The following USP46 variants were observed in gnomAD, a reference collection of about 807,000 sequenced individuals.
USP46 encodes the protein ubiquitin carboxyl-terminal hydrolase 46.
USP46 carries 12 observed loss-of-function variants against 44.4 expected under a neutral mutation model. The observed-to-expected ratio is 0.27, with a 90% confidence interval of 0.17 to 0.44. The LOEUF (loss-of-function observed/expected upper bound fraction) is 0.44, where lower values mean the gene tolerates loss of function less well. Among genes scored for constraint, USP46 ranks in the 20% least tolerant of loss-of-function variants. The pLI is 1.00. For missense variants in USP46, 248 were observed against 444.8 expected (o/e 0.56, Z 3.98); for synonymous variants, 155 against 161.5 (o/e 0.96, Z 0.31).
At chr4:52,608,227 A>G (rs1716774178) in intron 5 of USP46, among the ~76,000 whole-genome samples, 1 of 152,268 alleles carries the variant, frequency 6.6e-6, no homozygotes, top group Non-Finnish European at 1.5e-5. Context: ...TCTGGATGGG[A>G]AGGCTATCAT....
intron 4 of USP46, among the ~76,000 whole-genome samples, chr4:52,621,611 G>C (rs1175675773): frequency 6.6e-6 from 1 of 151,992 alleles, no homozygotes; most frequent in African/African-American, 2.4e-5. Context: ...AGCCAAGATC[G>C]TGTTACTACA....
At chr4:52,640,893 C>G (rs1400766874) in intron 1 of USP46, among the ~76,000 whole-genome samples, 2 of 149,684 alleles carry the variant, frequency 1.3e-5, no homozygotes, top group Non-Finnish European at 3.0e-5. Context: ...GCCTAAGGCC[C>G]TCGGCAAATA....
chr4:52,625,925 G>T, intron 4 of USP46, 93 bp downstream of exon 4: 1 of 1,235,542 alleles, frequency 8.1e-7, no homozygotes, highest in Non-Finnish European at 1.1e-6. Context: ...GCAAATAACT[G>T]CTAAATGCTA....
intron 4 of USP46, among the ~76,000 whole-genome samples, chr4:52,614,864 T>C (rs1009957225): frequency 6.6e-6 from 1 of 152,084 alleles, no homozygotes; most frequent in Non-Finnish European, 1.5e-5. Flanking sequence ...AAGAACAAGG[T>C]AGAGTGGGAG....
chr4:52,633,020 AAG>A (rs1248642477), intron 1 of USP46, among the ~76,000 whole-genome samples: 3 of 149,396 alleles, frequency 2.0e-5, no homozygotes, highest in Admixed American at 6.6e-5. Context: ...GAAAGAAAGA[AAG>A]AAAGAAAAAG....
intron 1 of USP46, among the ~76,000 whole-genome samples, chr4:52,649,649 T>A (rs779584713): frequency 6.6e-6 from 1 of 152,230 alleles, no homozygotes; most frequent in Admixed American, 6.5e-5. Context: ...CATGATAAAA[T>A]TGGAGGCATA....
At chr4:52,644,601 G>A (rs1312524891) in intron 1 of USP46, among the ~76,000 whole-genome samples, 1 of 152,026 alleles carries the variant, frequency 6.6e-6, no homozygotes, top group African/African-American at 2.4e-5. Flanking sequence ...AGAGTCTAAT[G>A]CCTGATAATC....
intron 1 of USP46, among the ~76,000 whole-genome samples, chr4:52,632,916 A>AAGAGAAAGAAAGAAAGAAAG (rs1717899306): frequency 1.3e-5 from 1 of 79,554 alleles, no homozygotes. Flanking sequence ...GAAAGAAAGA[A>AAGAGAAAGAAAGAAAGAAAG]AGAGAAAGAA....
intron 4 of USP46, among the ~76,000 whole-genome samples, chr4:52,611,002 C>T (rs1202763363): frequency 6.6e-6 from 1 of 152,248 alleles, no homozygotes; most frequent in Non-Finnish European, 1.5e-5. Flanking sequence ...ATCTACCACC[C>T]AGATGACCAT....
intron 7 of USP46, 23 bp downstream of exon 7, chr4:52,601,834 C>T (rs752416622): frequency 1.2e-6 from 2 of 1,607,986 alleles, no homozygotes; most frequent in Non-Finnish European, 8.5e-7. Flanking sequence ...ACCCTGTATA[C>T]CTGCTTCCAG....
intron 1 of USP46, among the ~76,000 whole-genome samples, chr4:52,632,916 AAGAGAAAG>A (rs1211729891): frequency 5.0e-5 from 4 of 79,552 alleles, no homozygotes; most frequent in African/African-American, 1.6e-4. Context: ...GAAAGAAAGA[AAGAGAAAG>A]AAAGAAAGAA....
intron 1 of USP46, among the ~76,000 whole-genome samples, chr4:52,654,784 C>T (rs896171754): frequency 3.3e-5 from 5 of 152,170 alleles, no homozygotes; most frequent in Non-Finnish European, 7.3e-5. Context: ...AAAATGCTAA[C>T]ATGTCATAAG....
intron 3 of USP46, 40 bp from the exon 4 acceptor site, chr4:52,626,287 G>T: frequency 6.5e-7 from 1 of 1,547,546 alleles, no homozygotes; most frequent in South Asian, 1.2e-5. Context: ...TCTGGTTCTT[G>T]AAAAGCAAAT....
At chr4:52,614,657 A>G (rs968331999) in intron 4 of USP46, among the ~76,000 whole-genome samples, 1 of 152,270 alleles carries the variant, frequency 6.6e-6, no homozygotes, top group African/African-American at 2.4e-5. Flanking sequence ...CAAGCCAAAG[A>G]GAAATGACAC....
Position 52,593,118 on chromosome 4 carries a change from G to C in USP46, c.*4522C>G. On this transcript the variant is annotated 3_prime_UTR_variant, in exon 9 of 9. Transcript: ENST00000441222. ...TTTTTATCTTCATGTAAATATAAGG[G>C]AATGGAAATGGAAGGCTTCATTTTT... The C allele has an allele frequency of 2.5e-6, 1 of 395,364 alleles. No homozygotes were observed. Among genetic ancestry groups the C allele is most frequent in the Non-Finnish European group, 4.5e-6 (1 of 224,668 alleles). The allele number at this position is 395,364 out of a possible 1,614,324, so 24.5% of individuals were successfully genotyped here. A position where few individuals can be genotyped will look rare whatever the true frequency, so the allele number is the denominator to read the frequency against.
At chr4:52,602,199 T>A in intron 6 of USP46, 145 bp from the exon 7 acceptor site, 1 of 864,958 alleles carries the variant, frequency 1.2e-6, no homozygotes, top group Non-Finnish European at 1.7e-6. Flanking sequence ...AGGATAAAAG[T>A]ATGCTGGCAT....
rs1383938992 is a variant in USP46 at position 52,594,903 on chromosome 4, G to A, written c.*2737C>T. 1 of 152,134 alleles carries A rather than the reference G, an allele frequency of 6.6e-6. No homozygotes were observed. The highest frequency in any genetic ancestry group is 6.6e-5 in the Admixed American group (1 of 15,266). The allele number at this position is 152,134 out of a possible 1,614,324, so 9.4% of individuals were successfully genotyped here. ...TTCCTATGACCACAGAAGTGAAAAT[G>A]CATCAACACAATAGGACCAGATGCC... is the stretch of plus-strand genomic sequence containing the variant. On this transcript the variant is annotated 3_prime_UTR_variant, in exon 9 of 9. Coordinates refer to ENST00000441222, the MANE Select transcript of USP46 (RefSeq NM_022832.4).
intron 1 of USP46, chr4:52,656,576 G>C (rs1560416477): frequency 7.5e-7 from 1 of 1,330,268 alleles, no homozygotes; most frequent in Non-Finnish European, 9.6e-7. Context: ...TAAACACCTG[G>C]TAGATGACAT....
chr4:52,617,675 G>A (rs1186670462), intron 4 of USP46, among the ~76,000 whole-genome samples: 7 of 152,128 alleles, frequency 4.6e-5, no homozygotes, highest in Admixed American at 3.9e-4. Context: ...GGTTTTTTTG[G>A]GGTGGGGCGT....
Sources: allele counts gnomAD v4.1 joint callset (sites outside exome capture counted in the v4.1 genomes callset), GRCh38; gene constraint gnomAD v4.1.1; transcripts MANE v1.5; gene names NCBI Gene and HGNC (gene_info 2026-07-23, HGNC 2026-07-21).